FRY: variants seen among roughly 807,000 people sequenced by gnomAD.
FRY encodes the protein protein furry homolog.
A neutral mutation model predicts 348.4 loss-of-function variants in FRY; 128 were observed. The observed-to-expected ratio is 0.37, with a 90% CI of 0.32 to 0.43. The LOEUF is 0.43. Among genes scored for constraint, FRY ranks in the 20% least tolerant of loss-of-function variants. The pLI is 1.00. For missense variants in FRY, 2,736 were observed against 3,695.2 expected (o/e 0.74, Z 6.73); for synonymous variants, 1,370 against 1,374.7 (o/e 1.00, Z 0.08).
At chr13:32,169,461 G>A (rs1359332210) in intron 17 of FRY, among the ~76,000 whole-genome samples, 2 of 152,170 alleles carry the variant, frequency 1.3e-5, no homozygotes, top group Non-Finnish European at 1.5e-5. Context: ...GTTACAGTTA[G>A]TATCCCCATT....
intron 17 of FRY, among the ~76,000 whole-genome samples, chr13:32,165,281 CATTT>C (rs1180658661): frequency 3.3e-5 from 5 of 152,208 alleles, no homozygotes; most frequent in Non-Finnish European, 7.3e-5. Flanking sequence ...AATCATTAAA[CATTT>C]ATTCTGCTTT....
At chr13:32,075,756 G>A (rs1226429614) in intron 1 of FRY, among the ~76,000 whole-genome samples, 3 of 152,174 alleles carry the variant, frequency 2.0e-5, no homozygotes, top group Non-Finnish European at 4.4e-5. Flanking sequence ...AGGATGAAGA[G>A]GGTTACTGAA....
intron 51 of FRY, among the ~76,000 whole-genome samples, chr13:32,255,057 G>A (rs551773955): frequency 6.6e-6 from 1 of 152,300 alleles, no homozygotes; most frequent in Admixed American, 6.5e-5. Flanking sequence ...TGCAAAAACA[G>A]GTATTGAGAG....
At chr13:32,115,946 C>T (rs1275618016) in intron 3 of FRY, among the ~76,000 whole-genome samples, 1 of 151,834 alleles carries the variant, frequency 6.6e-6, no homozygotes, top group Non-Finnish European at 1.5e-5. Context: ...TCATTTTTTT[C>T]ATTTACCATA....
At chr13:32,102,084 T>C (rs1029411666) in intron 3 of FRY, 68 bp downstream of exon 3, 16 of 877,840 alleles carry the variant, frequency 1.8e-5, no homozygotes, top group South Asian at 7.9e-5. Flanking sequence ...AAGGTCTGCA[T>C]GCTCACTATT....
chr13:32,281,322 C>G (rs1414643098), intron 58 of FRY, among the ~76,000 whole-genome samples: 1 of 152,190 alleles, frequency 6.6e-6, no homozygotes, highest in Non-Finnish European at 1.5e-5. Context: ...GAGGCAAAGT[C>G]TAAAGGCCAT....
intron 14 of FRY, among the ~76,000 whole-genome samples, chr13:32,153,043 C>T (rs1276354682): frequency 2.6e-5 from 4 of 152,118 alleles, no homozygotes; most frequent in East Asian, 1.9e-4. Flanking sequence ...AATTTAAAAC[C>T]GAAACGAGAT....
At chr13:32,201,331 A>G (rs1003786927) in intron 29 of FRY, among the ~76,000 whole-genome samples, 4 of 152,092 alleles carry the variant, frequency 2.6e-5, no homozygotes, top group African/African-American at 7.2e-5. Context: ...TCTACCCCCC[A>G]TCTAATGTAG....
chr13:32,278,584 C>T lies in FRY; in HGVS notation c.8469+36C>T, dbSNP rs761768526. 53 of 1,076,152 alleles carry T rather than the reference C, an allele frequency of 4.9e-5. No homozygotes were observed. The East Asian group carries it at 1.2e-3, about 25-fold the overall frequency. The allele number at this position is 1,076,152 out of a possible 1,614,324, so 66.7% of individuals were successfully genotyped here. Reference sequence around the variant, plus strand: ...CCTGTTAGAATGGGTCTCTTGTGTGCTCTAACATTGTGTATTAGTTTTGGT... The same window carrying T: ...CCTGTTAGAATGGGTCTCTTGTGTGTTCTAACATTGTGTATTAGTTTTGGT... On this transcript the variant is annotated intron_variant, in intron 58 of 60. Transcript: ENST00000542859.
chr13:32,156,533 G>A (rs541004370), intron 15 of FRY, among the ~76,000 whole-genome samples: 5 of 150,582 alleles, frequency 3.3e-5, no homozygotes, highest in East Asian at 3.9e-4. Flanking sequence ...CCCAGGAGAC[G>A]GAGGTTGCAG....
chr13:32,230,574 C>T (rs798968), intron 40 of FRY, among the ~76,000 whole-genome samples: 116,652 of 152,154 alleles, frequency 0.77, 46,009 homozygotes, highest in East Asian at 0.99. Flanking sequence ...GGCATTTGGG[C>T]TGATTCCGTG....
At chr13:32,217,125 C>T (rs1428132646) in intron 35 of FRY, among the ~76,000 whole-genome samples, 2 of 152,014 alleles carry the variant, frequency 1.3e-5, no homozygotes, top group Non-Finnish European at 2.9e-5. Context: ...TTCCAGTGTC[C>T]CCAAAAGAAA....
In FRY at chr13:32,274,561, A is replaced by T. The variant is rs185182187; in HGVS notation, c.8137-281A>T. Reference sequence around the variant, plus strand: ...CTACTAAAAATACAAAAAATTAGCCAGGCGTGGTGGCAGGCACCTGTAGTC... The same window carrying T: ...CTACTAAAAATACAAAAAATTAGCCTGGCGTGGTGGCAGGCACCTGTAGTC... On this transcript the variant is annotated intron_variant, in intron 55 of 60. Transcript: ENST00000542859. 5.3e-4 allele frequency among the ~76,000 whole-genome samples: 81 copies of T among 151,654 alleles called. 1 individual carries two copies. The East Asian group carries it at 5.4e-3, about 10-fold the overall frequency.
intron 55 of FRY, among the ~76,000 whole-genome samples, chr13:32,268,157 T>G (rs1888013024): frequency 6.6e-6 from 1 of 152,214 alleles, no homozygotes; most frequent in South Asian, 2.1e-4. Flanking sequence ...TCTCGCTTGT[T>G]ACCTCATAAC....
intron 1 of FRY, among the ~76,000 whole-genome samples, chr13:32,033,437 T>C (rs1409156980): frequency 6.6e-6 from 1 of 152,166 alleles, no homozygotes; most frequent in Non-Finnish European, 1.5e-5. Context: ...AAATAGAAAA[T>C]TATGTTGTGA....
chr13:32,076,873 A>G (rs1348160840), intron 1 of FRY, among the ~76,000 whole-genome samples: 2 of 152,214 alleles, frequency 1.3e-5, no homozygotes, highest in Admixed American at 6.5e-5. Context: ...CCAATCAATA[A>G]TTACTTTACT....
At chr13:32,231,764 A>G (rs1409881026) in intron 41 of FRY, among the ~76,000 whole-genome samples, 5 of 152,242 alleles carry the variant, frequency 3.3e-5, no homozygotes, top group Admixed American at 3.3e-4. Flanking sequence ...TATTCTAAAT[A>G]CAGTGTGACT....
chr13:32,275,851 T>C (rs1408451818), intron 56 of FRY, among the ~76,000 whole-genome samples: 1 of 151,678 alleles, frequency 6.6e-6, no homozygotes, highest in African/African-American at 2.4e-5. Context: ...ACTGACGAGC[T>C]CCTGGAGGGT....
intron 1 of FRY, among the ~76,000 whole-genome samples, chr13:32,039,987 A>T (rs1174031970): frequency 3.9e-5 from 6 of 152,234 alleles, no homozygotes; most frequent in Admixed American, 2.6e-4. Context: ...CAATTCCAGG[A>T]TTTCTCAGCT....
Sources: gnomAD v4.1 joint callset for allele counts (sites outside exome capture counted in the v4.1 genomes callset) on GRCh38, gnomAD v4.1.1 for gene constraint, MANE v1.5 for transcripts, NCBI Gene and HGNC (gene_info 2026-07-23, HGNC 2026-07-21) for gene names.